Variants in TBC1D14 observed in about 807,000 individuals in gnomAD.
The protein encoded by TBC1D14 is TBC1 domain family member 14, also known as TBC1 domain family, member 14.
TBC1D14 carries 26 observed loss-of-function variants against 79.0 expected under a neutral mutation model. The observed-to-expected ratio is 0.33, with a 90% CI of 0.24 to 0.46. The LOEUF (loss-of-function observed/expected upper bound fraction) is 0.46, where lower values mean the gene tolerates loss of function less well. Among genes scored for constraint, TBC1D14 ranks in the 20% least tolerant of loss-of-function variants. The pLI is 1.00. For synonymous variants in TBC1D14, 394 were observed against 349.9 expected, an observed-to-expected ratio of 1.13 and a Z score of -1.40; for missense variants, 769 against 887.6, an observed-to-expected ratio of 0.87 and a Z score of 1.70.
chr4:6,958,579 A>C (rs1250829855), intron 2 of TBC1D14, among the ~76,000 whole-genome samples: 1 of 152,014 alleles, frequency 6.6e-6, no homozygotes, highest in East Asian at 1.9e-4. Flanking sequence ...ATAGGTGTGC[A>C]CTACCACGCC....
intron 6 of TBC1D14, 98 bp downstream of exon 6, chr4:6,999,300 G>A (rs1441800712): frequency 7.5e-6 from 8 of 1,065,962 alleles, no homozygotes; most frequent in East Asian, 2.4e-5. Flanking sequence ...TGACACCCTG[G>A]ATGCAGCGAG....
chr4:6,962,689 G>A (rs1403142243), intron 2 of TBC1D14, among the ~76,000 whole-genome samples: 1 of 152,016 alleles, frequency 6.6e-6, no homozygotes, highest in Non-Finnish European at 1.5e-5. Context: ...GGAGGTTGTG[G>A]TGGTCTGCCA....
intron 2 of TBC1D14, among the ~76,000 whole-genome samples, chr4:6,928,482 C>T (rs1724460784): frequency 6.6e-6 from 1 of 152,144 alleles, no homozygotes; most frequent in Non-Finnish European, 1.5e-5. Context: ...CACTTAGCCC[C>T]TGCGATCGCC....
chr4:7,004,969 T>C, intron 8 of TBC1D14, 45 bp downstream of exon 8: 1 of 1,543,910 alleles, frequency 6.5e-7, no homozygotes, highest in Non-Finnish European at 9.0e-7. Context: ...GTCAATTATG[T>C]TTGTCATTCT....
intron 2 of TBC1D14, among the ~76,000 whole-genome samples, chr4:6,946,213 A>G (rs755352782): frequency 3.3e-5 from 5 of 152,206 alleles, no homozygotes; most frequent in African/African-American, 7.2e-5. Context: ...GTTGGTTCTC[A>G]ATATGTATTT....
chr4:7,025,395 G>A (rs556546728), intron 13 of TBC1D14, 133 bp downstream of exon 13: 3 of 1,411,794 alleles, frequency 2.1e-6, no homozygotes, highest in Admixed American at 2.4e-5. Context: ...ACTGAGGGGG[G>A]CCGGGTGGAG....
At chr4:6,967,270 G>A in intron 2 of TBC1D14, 34 bp from the exon 3 acceptor site, 4 of 1,608,476 alleles carry the variant, frequency 2.5e-6, no homozygotes, top group Non-Finnish European at 3.4e-6. Context: ...GAATTACCCA[G>A]AAATGCCCTA....
chr4:6,973,826 A>C (rs1035687078), intron 3 of TBC1D14, among the ~76,000 whole-genome samples: 2 of 151,786 alleles, frequency 1.3e-5, no homozygotes, highest in Admixed American at 1.3e-4. Context: ...ATTTATTTAT[A>C]TTTATATTTT....
At chr4:7,010,514 G>A (rs1047324626) in intron 10 of TBC1D14, 139 bp from the exon 11 acceptor site, 13 of 1,034,496 alleles carry the variant, frequency 1.3e-5, no homozygotes, top group Middle Eastern at 3.0e-4. Flanking sequence ...GCAGTTCAGC[G>A]TTGGGTGGCC....
chr4:7,021,813 G>T lies in TBC1D14; in HGVS notation c.1758-3191G>T, dbSNP rs149468039. ...CCCTTGAATTCTGTCTTCCGACCATGGGAGGAGTACTGAGCCGTCTCTGGG... is the reference window on the plus strand; with the variant it reads ...CCCTTGAATTCTGTCTTCCGACCATTGGAGGAGTACTGAGCCGTCTCTGGG... On this transcript the variant is annotated intron_variant, in intron 12 of 13. Transcript: ENST00000409757. Among the ~76,000 whole-genome samples, 376 of 152,344 alleles carry T rather than the reference G, an allele frequency of 2.5e-3. 2 individuals are homozygous for T. Among genetic ancestry groups the T allele is most frequent in the African/African-American group, 8.3e-3 (346 of 41,590 alleles).
At chr4:7,014,909 C>CA (rs1391977890) in intron 12 of TBC1D14, among the ~76,000 whole-genome samples, 1 of 152,216 alleles carries the variant, frequency 6.6e-6, no homozygotes. Flanking sequence ...TTGTGGGAGA[C>CA]ACGTGTGTCC....
intron 3 of TBC1D14, among the ~76,000 whole-genome samples, chr4:6,991,201 C>T (rs1462233834): frequency 6.6e-6 from 1 of 152,334 alleles, no homozygotes; most frequent in Non-Finnish European, 1.5e-5. Flanking sequence ...TTTGACCCTG[C>T]GTCTCTGCTG....
intron 13 of TBC1D14, among the ~76,000 whole-genome samples, chr4:7,027,283 A>G (rs1426598702): frequency 1.4e-5 from 1 of 70,322 alleles, no homozygotes; most frequent in African/African-American, 5.9e-5. Flanking sequence ...TGGCATATAC[A>G]TATGTCACCC....
intron 3 of TBC1D14, chr4:6,987,285 G>A (rs1403477986): frequency 3.7e-6 from 5 of 1,346,058 alleles, no homozygotes; most frequent in Non-Finnish European, 4.8e-6. Context: ...AGGGAGGGAG[G>A]CCGGCCCTCC....
intron 4 of TBC1D14, among the ~76,000 whole-genome samples, chr4:6,994,954 A>T (rs1320617540): frequency 6.6e-6 from 1 of 152,130 alleles, no homozygotes; most frequent in African/African-American, 2.4e-5. Flanking sequence ...AGGACTGGAA[A>T]GTTAGAGGCC....
Position 6,921,869 on chromosome 4 carries a change from G to A in TBC1D14, c.-17-1504G>A, listed in dbSNP as rs551449840. Among the ~76,000 whole-genome samples the A allele has an allele frequency of 8.6e-5, 13 of 152,006 alleles. No individual in the cohort carries two copies. The South Asian group carries it at 2.7e-3, about 32-fold the overall frequency. On this transcript the variant is annotated intron_variant, in intron 1 of 13. Coordinates refer to ENST00000409757, the MANE Select transcript of TBC1D14 (RefSeq NM_020773.3). Reference sequence around the variant, plus strand: ...ACACCACCACGCCTGGCTAATTTTTGTATTTTTAGTAGAGATGGGGTTTCA... The same window carrying A: ...ACACCACCACGCCTGGCTAATTTTTATATTTTTAGTAGAGATGGGGTTTCA...
At chr4:6,972,561 T>C (rs1485415200) in intron 3 of TBC1D14, among the ~76,000 whole-genome samples, 7 of 152,232 alleles carry the variant, frequency 4.6e-5, no homozygotes, top group South Asian at 2.1e-4. Context: ...CCCTGTCCAC[T>C]GTCACCCTCT....
intron 3 of TBC1D14, 152 bp from the exon 4 acceptor site, chr4:6,994,032 G>A (rs909361065): frequency 3.0e-5 from 19 of 638,398 alleles, no homozygotes; most frequent in Middle Eastern, 3.9e-4. Context: ...TTTAGTCAGC[G>A]GCTTTTCATT....
intron 2 of TBC1D14, among the ~76,000 whole-genome samples, chr4:6,934,464 G>T (rs942693592): frequency 6.6e-6 from 1 of 152,070 alleles, no homozygotes; most frequent in African/African-American, 2.4e-5. Flanking sequence ...TTCGAGACCA[G>T]CCTGGCCAAC....
Sources: gnomAD v4.1 joint callset for allele counts (sites outside exome capture counted in the v4.1 genomes callset) on GRCh38, gnomAD v4.1.1 for gene constraint, MANE v1.5 for transcripts, NCBI Gene and HGNC (gene_info 2026-07-23, HGNC 2026-07-21) for gene names.